The following PHF21B variants were observed in gnomAD, a reference collection of about 807,000 sequenced individuals.
PHF21B encodes the protein PHD finger protein 4.
A neutral mutation model predicts 62.2 loss-of-function variants in PHF21B; 22 were observed. The ratio of observed to expected loss-of-function variants is 0.35; its 90% CI spans 0.25 to 0.51. The LOEUF is 0.51. Among genes scored for constraint, PHF21B ranks in the 20% least tolerant of loss-of-function variants. PHF21B has a pLI of 0.97. For missense variants in PHF21B, 701 were observed against 707.9 expected (o/e 0.99, Z 0.11); for synonymous variants, 341 against 314.7 (o/e 1.08, Z -0.88).
intron 2 of PHF21B, among the ~76,000 whole-genome samples, chr22:44,987,487 C>G (rs1364902231): frequency 1.3e-5 from 2 of 152,192 alleles, no homozygotes; most frequent in Non-Finnish European, 2.9e-5. Context: ...TGTGAGCACA[C>G]AGCGGTGCAA....
intron 5 of PHF21B, among the ~76,000 whole-genome samples, chr22:44,897,206 A>C (rs943232069): frequency 6.6e-6 from 1 of 151,864 alleles, no homozygotes; most frequent in African/African-American, 2.4e-5. Flanking sequence ...AGGTCATGAC[A>C]CTGTATTGTC....
rs1481072080 is a variant in PHF21B at position 45,008,644 on chromosome 22, C to G, written c.55-34G>C. 3.9e-6 allele frequency: 6 copies of G among 1,548,956 alleles called. No homozygotes were observed. The Middle Eastern group carries it at 1.0e-3, about 257-fold the overall frequency. On this transcript the variant is annotated intron_variant, in intron 1 of 12. Transcript: ENST00000313237. Reference sequence around the variant, plus strand: ...ACACGGAGGAGCGGGCTCAGGCAGGCCACCCGGGGTCAGGTGCACCCCAGC... The same window carrying G: ...ACACGGAGGAGCGGGCTCAGGCAGGGCACCCGGGGTCAGGTGCACCCCAGC...
intron 5 of PHF21B, among the ~76,000 whole-genome samples, chr22:44,907,588 C>G (rs1045515583): frequency 1.4e-4 from 21 of 152,212 alleles, no homozygotes; most frequent in Non-Finnish European, 2.8e-4. Context: ...AGGGCAGTCT[C>G]AGCCACACAC....
At chr22:44,938,528 C>CA (rs1179126151) in intron 2 of PHF21B, among the ~76,000 whole-genome samples, 2 of 152,176 alleles carry the variant, frequency 1.3e-5, no homozygotes, top group African/African-American at 4.8e-5. Context: ...CCACTGCGCC[C>CA]AAAAAATCTA....
At chr22:44,926,951 G>A (rs189883940) in intron 2 of PHF21B, among the ~76,000 whole-genome samples, 3 of 152,190 alleles carry the variant, frequency 2.0e-5, no homozygotes, top group East Asian at 3.9e-4. Context: ...AGTTCTTCTC[G>A]GGAGCGTCTT....
rs1456340871 is a variant in PHF21B, at chr22:44,889,766, G to C, written c.1032C>G (p.Cys344Trp). The change falls in exon 9 of 13, where the codon TGC becomes TGG. Residue 344 changes from cysteine to tryptophan, a missense_variant. Transcript: ENST00000313237. ...FLTARANEDP[C>W]WKNEITHDEH... is the part of the protein sequence containing the mutation. ...GGAGGGAGGGGACACGTACCTTCCA[G>C]CAGGGGTCCTCATTGGCTAGCACAG... 1 of 1,567,876 alleles carries C rather than the reference G, an allele frequency of 6.4e-7. No homozygotes were observed.
intron 2 of PHF21B, among the ~76,000 whole-genome samples, chr22:44,921,728 G>C (rs760700915): frequency 2.2e-4 from 34 of 151,172 alleles, no homozygotes; most frequent in Non-Finnish European, 4.0e-4. Context: ...GCGTGATCTT[G>C]GCTCACTGCA....
intron 4 of PHF21B, among the ~76,000 whole-genome samples, chr22:44,915,442 T>C (rs950664840): frequency 6.6e-6 from 1 of 152,260 alleles, no homozygotes; most frequent in African/African-American, 2.4e-5. Flanking sequence ...CAGCATCTGC[T>C]AAGCACCTTG....
intron 2 of PHF21B, among the ~76,000 whole-genome samples, chr22:44,950,163 A>T (rs971552308): frequency 2.6e-5 from 4 of 152,232 alleles, no homozygotes; most frequent in African/African-American, 9.6e-5. Context: ...GTGGGTTGGC[A>T]ACAGAAGCAC....
chr22:44,994,931 C>T (rs1375185173), intron 2 of PHF21B, among the ~76,000 whole-genome samples: 3 of 152,270 alleles, frequency 2.0e-5, no homozygotes, highest in African/African-American at 7.2e-5. Context: ...CCTGCAGCGG[C>T]AGCATCTGAA....
At chr22:45,003,285 C>G (rs1351848028) in intron 2 of PHF21B, 1 of 152,318 alleles carries the variant, frequency 6.6e-6, no homozygotes, top group Non-Finnish European at 1.5e-5. Context: ...CAGCAGGCAC[C>G]CCTCAGGGAG....
intron 2 of PHF21B, among the ~76,000 whole-genome samples, chr22:44,995,127 T>C (rs1470334865): frequency 1.3e-5 from 2 of 152,064 alleles, no homozygotes; most frequent in Admixed American, 6.6e-5. Flanking sequence ...GTCACCAAGG[T>C]TGTGGGGAGG....
At chr22:44,989,645 T>C (rs1356748407) in intron 2 of PHF21B, 1 of 145,170 alleles carries the variant, frequency 6.9e-6, no homozygotes, top group Non-Finnish European at 1.5e-5. Context: ...AGTCTCACTC[T>C]GTCACCCAGG....
intron 2 of PHF21B, among the ~76,000 whole-genome samples, chr22:44,958,942 C>T (rs1029887729): frequency 5.3e-5 from 8 of 151,994 alleles, no homozygotes; most frequent in African/African-American, 1.9e-4. Flanking sequence ...CACCCGGCCC[C>T]TCCTTTGATC....
At chr22:44,893,986 G>A (rs967651460) in intron 6 of PHF21B, among the ~76,000 whole-genome samples, 3 of 152,234 alleles carry the variant, frequency 2.0e-5, no homozygotes, top group African/African-American at 4.8e-5. Flanking sequence ...GCCCCCAGCA[G>A]GAATCCTTCG....
At chr22:44,963,185 A>G (rs984894752) in intron 2 of PHF21B, among the ~76,000 whole-genome samples, 5 of 152,240 alleles carry the variant, frequency 3.3e-5, no homozygotes, top group African/African-American at 4.8e-5. Flanking sequence ...AACAGAGGGG[A>G]AACCTCATGG....
chr22:44,994,377 G>C (rs1010854034), intron 2 of PHF21B, among the ~76,000 whole-genome samples: 1 of 152,212 alleles, frequency 6.6e-6, no homozygotes, highest in Non-Finnish European at 1.5e-5. Context: ...GCCAGGTGTA[G>C]ACAGAGGCAG....
At chr22:44,951,657 T>C (rs903573718) in intron 2 of PHF21B, among the ~76,000 whole-genome samples, 15 of 152,262 alleles carry the variant, frequency 9.9e-5, no homozygotes, top group African/African-American at 3.4e-4. Context: ...CCTCTGTGAA[T>C]GGACCACAAT....
intron 5 of PHF21B, among the ~76,000 whole-genome samples, chr22:44,899,869 T>C (rs555936442): frequency 7.2e-5 from 11 of 152,202 alleles, no homozygotes; most frequent in Non-Finnish European, 1.6e-4. Context: ...ATTCTCTTAT[T>C]GTCTGCAGCT....
Sources: gnomAD v4.1 joint callset for allele counts (sites outside exome capture counted in the v4.1 genomes callset) on GRCh38, gnomAD v4.1.1 for gene constraint, MANE v1.5 for transcripts, NCBI Gene and HGNC (gene_info 2026-07-23, HGNC 2026-07-21) for gene names.